Variants in STK32C observed in about 807,000 individuals in gnomAD.
STK32C encodes the protein serine/threonine-protein kinase 32C.
A neutral mutation model predicts 56.5 loss-of-function variants in STK32C; 31 were observed. The ratio of observed to expected loss-of-function variants is 0.55; its 90% CI spans 0.41 to 0.74. The LOEUF (loss-of-function observed/expected upper bound fraction) is 0.74, where lower values mean the gene tolerates loss of function less well. Among genes scored for constraint, STK32C ranks in the 30% least tolerant of loss-of-function variants. STK32C has a pLI of 0.00. For synonymous variants in STK32C, 309 were observed against 289.4 expected (o/e 1.07, Z -0.69); for missense variants, 544 against 676.9 (o/e 0.80, Z 2.18).
At chr10:132,212,754 T>C (rs2814154) in intron 10 of STK32C, among the ~76,000 whole-genome samples, 142,754 of 152,350 alleles carry the variant, frequency 0.94, 66,986 homozygotes, top group East Asian at 1. Context: ...TGCTCTGCGG[T>C]AAACAACGTG....
At chr10:132,256,947 C>T (rs2064144991) in intron 1 of STK32C, among the ~76,000 whole-genome samples, 1 of 152,140 alleles carries the variant, frequency 6.6e-6, no homozygotes, top group East Asian at 1.9e-4. Context: ...ACGCTGGCCA[C>T]AGCAGCAGCA....
At chr10:132,307,962 C>G, upstream of STK32C, 1 of 1,015,992 alleles carries the variant, frequency 9.8e-7, no homozygotes, top group South Asian at 3.6e-5. The surrounding 1 kb of genome is among the most constrained non-coding windows in gnomAD (Gnocchi z 4.4). Context: ...GGCGGTGGAA[C>G]CCGCCCCGTA....
intron 1 of STK32C, among the ~76,000 whole-genome samples, chr10:132,264,807 G>A (rs2064443020): frequency 6.6e-6 from 1 of 152,200 alleles, no homozygotes; most frequent in African/African-American, 2.4e-5. Context: ...GGGAGGTGGG[G>A]GCGGGACAGT....
intron 10 of STK32C, chr10:132,209,441 T>C (rs1184417596): frequency 2.0e-6 from 1 of 493,510 alleles, no homozygotes; most frequent in East Asian, 4.6e-5. Context: ...TCCCGTCTCA[T>C]ACCGGGTTCT....
At chr10:132,305,536 G>A (rs2066032088) in intron 1 of STK32C, among the ~76,000 whole-genome samples, 1 of 152,184 alleles carries the variant, frequency 6.6e-6, no homozygotes, top group South Asian at 2.1e-4. Flanking sequence ...GCCTCCTTAA[G>A]CCAGTGCTGC....
At chr10:132,208,497 C>T (rs1440155283) in intron 11 of STK32C, among the ~76,000 whole-genome samples, 4 of 152,318 alleles carry the variant, frequency 2.6e-5, no homozygotes, top group South Asian at 4.1e-4. Flanking sequence ...GTGCCCTCAG[C>T]CGTCTGCACG....
intron 1 of STK32C, among the ~76,000 whole-genome samples, chr10:132,274,155 C>T (rs541654588): frequency 5.3e-5 from 8 of 152,184 alleles, no homozygotes; most frequent in Non-Finnish European, 8.8e-5. Context: ...TTGCTCAGGA[C>T]GGGACCAGAC....
chr10:132,229,804 G>A (rs549721229), intron 2 of STK32C, among the ~76,000 whole-genome samples: 2 of 152,362 alleles, frequency 1.3e-5, no homozygotes, highest in Non-Finnish European at 2.9e-5. Context: ...GCACCGGGCT[G>A]GCCCAAACTA....
chr10:132,240,096 GA>G (rs2063449270), intron 2 of STK32C, among the ~76,000 whole-genome samples: 1 of 151,786 alleles, frequency 6.6e-6, no homozygotes, highest in Non-Finnish European at 1.5e-5. Flanking sequence ...GACCCCCAGG[GA>G]AGCCCCCCCA....
rs367959639 is a variant in STK32C at position 132,209,151 on chromosome 10, G to A, written c.1252-50C>T. 4.4e-4 allele frequency: 687 copies of A among 1,546,392 alleles called. 2 individuals carry two copies. The highest frequency in any genetic ancestry group is 1.4e-3 in the South Asian group (128 of 88,934). ...GCGTGGGGGACGCTGTCCAGGTTCC[G>A]CCCATGTCCCCTCAAGTGAGTGTCT... On this transcript the variant is annotated intron_variant, in intron 10 of 11. Coordinates refer to ENST00000298630, the MANE Select transcript of STK32C (RefSeq NM_173575.4).
chr10:132,246,503 C>T (rs1443662798), intron 1 of STK32C, among the ~76,000 whole-genome samples: 5 of 152,204 alleles, frequency 3.3e-5, no homozygotes, highest in African/African-American at 1.2e-4. Flanking sequence ...AGAGGCGGCT[C>T]AGGGCTGTGG....
chr10:132,321,330 G>C (rs74161778), downstream of STK32C, among the ~76,000 whole-genome samples: 1 of 152,192 alleles, frequency 6.6e-6, no homozygotes, highest in African/African-American at 2.4e-5. Flanking sequence ...TGCAGAGTAA[G>C]AGGTAAATGC....
At chr10:132,265,413 G>A (rs777582239) in intron 1 of STK32C, among the ~76,000 whole-genome samples, 2 of 152,184 alleles carry the variant, frequency 1.3e-5, no homozygotes, top group Non-Finnish European at 2.9e-5. Flanking sequence ...TGGGCTTCTG[G>A]AACTAGGGCA....
chr10:132,307,323 G>A lies in STK32C; in HGVS notation c.262+249C>T, dbSNP rs1433898864. On this transcript the variant is annotated intron_variant, in intron 1 of 11. Transcript: ENST00000298630. This position sits in a 1 kb window ranked among gnomAD's most constrained non-coding sequence, Gnocchi z 4.4. ...GCCCGGAGACGCCACAGCCGCGGGG[G>A]ACCCTCGCCCCGAGGGCCCGGGCCC... 3 of 342,060 alleles carry A rather than the reference G, an allele frequency of 8.8e-6. No individual in the cohort carries two copies. Among genetic ancestry groups the A allele is most frequent in the African/African-American group, 2.2e-5 (1 of 45,870 alleles). The allele number at this position is 342,060 out of a possible 1,614,324, so 21.2% of individuals were successfully genotyped here. A position where few individuals can be genotyped will look rare whatever the true frequency, so the allele number is the denominator to read the frequency against.
rs2064104941 is a variant in STK32C at position 132,255,920 on chromosome 10, A to AGCAGCCTGCAGCCTCTGC, written c.263-9983_263-9966dup. Reference sequence around the variant, plus strand: ...CACCCAGGGGCAGACCCCCATGACCAGCAGCCTGCAGCCTCTGCACACCCT... The same window carrying AGCAGCCTGCAGCCTCTGC: ...CACCCAGGGGCAGACCCCCATGACCAGCAGCCTGCAGCCTCTGCGCAGCCTGCAGCCTCTGCACACCCT... On this transcript the variant is annotated intron_variant, in intron 1 of 11. Coordinates refer to ENST00000298630, the MANE Select transcript of STK32C (RefSeq NM_173575.4). This position sits in a 1 kb window ranked among gnomAD's most constrained non-coding sequence, Gnocchi z 4.6. Among the ~76,000 whole-genome samples, 1 of 152,128 alleles carries AGCAGCCTGCAGCCTCTGC rather than the reference A, an allele frequency of 6.6e-6. No individual in the cohort carries two copies. The highest frequency in any genetic ancestry group is 1.5e-5 in the Non-Finnish European group (1 of 67,990).
intron 1 of STK32C, among the ~76,000 whole-genome samples, chr10:132,299,759 A>G (rs1311059475): frequency 6.6e-6 from 1 of 152,222 alleles, no homozygotes; most frequent in East Asian, 1.9e-4. Context: ...AGCAACAGAA[A>G]AGTGGAACAA....
rs182377203 is a variant in STK32C, at chr10:132,243,872, G to A, written c.318+2028C>T. 1.6e-3 allele frequency among the ~76,000 whole-genome samples: 248 copies of A among 152,182 alleles called. 1 individual carries two copies. The highest frequency in any genetic ancestry group is 5.6e-3 in the African/African-American group (234 of 41,526). ...GCCAGGGGATCCCACCCCTCAACCC[G>A]GAGCCATTTTCACAGGTGGCTCAAA... On this transcript the variant is annotated intron_variant, in intron 2 of 11. Transcript: ENST00000298630.
intron 1 of STK32C, among the ~76,000 whole-genome samples, chr10:132,247,143 C>T (rs2063721758): frequency 6.6e-6 from 1 of 152,222 alleles, no homozygotes; most frequent in Non-Finnish European, 1.5e-5. Flanking sequence ...AGGGTAGGTA[C>T]TGACCCCTCC....
chr10:132,282,915 T>C (rs1163970739), intron 1 of STK32C, among the ~76,000 whole-genome samples: 1 of 152,190 alleles, frequency 6.6e-6, no homozygotes, highest in African/African-American at 2.4e-5. Context: ...TGGGGGGTGT[T>C]GTCATTTCCT....
Sources: allele counts gnomAD v4.1 joint callset (sites outside exome capture counted in the v4.1 genomes callset), GRCh38; gene constraint gnomAD v4.1.1; non-coding constraint Gnocchi (gnomAD v3.1); transcripts MANE v1.5; gene names NCBI Gene and HGNC (gene_info 2026-07-23, HGNC 2026-07-21).